Variants in BTBD9 observed in about 807,000 individuals in gnomAD.
BTBD9 encodes BTB domain containing 9, also known as BTB/POZ domain-containing protein 9.
Under a neutral mutation model 64.3 loss-of-function variants are expected in BTBD9, and 49 were observed. That is an observed-to-expected ratio of 0.76 (90% confidence interval 0.61 to 0.97). The LOEUF (loss-of-function observed/expected upper bound fraction) is 0.97, where lower values mean the gene tolerates loss of function less well. Among genes scored for constraint, BTBD9 ranks in the 50% least tolerant of loss-of-function variants. The probability of loss-of-function intolerance (pLI) is 0.00; values close to 1 mark genes in which losing one functional copy is unlikely to be tolerated. For missense variants in BTBD9, 598 were observed against 762.1 expected, an observed-to-expected ratio of 0.78 and a Z score of 2.53; for synonymous variants, 260 against 274.7, an observed-to-expected ratio of 0.95 and a Z score of 0.53.
chr6:38,245,542 G>T (rs1332111534), intron 9 of BTBD9, among the ~76,000 whole-genome samples: 3 of 152,152 alleles, frequency 2.0e-5, no homozygotes, highest in Non-Finnish European at 2.9e-5. Context: ...AGAGGCAGGG[G>T]GCCAGATTGT....
chr6:38,257,971 TA>T lies in BTBD9; in HGVS notation c.1455-1456del, dbSNP rs983213530. 4.5e-3 allele frequency among the ~76,000 whole-genome samples: 659 copies of T among 147,894 alleles called. 8 individuals are homozygous for T. The highest frequency in any genetic ancestry group is 0.014 in the Middle Eastern group (4 of 282). On this transcript the variant is annotated intron_variant, in intron 8 of 10. Transcript: ENST00000481247. ...CACTCTGTGTGTGTTATTCCTCCAT[TA>T]AAAAAAAAATATATATGTATATATA... is the stretch of plus-strand genomic sequence containing the variant.
chr6:38,248,138 G>A (rs1035213748), intron 9 of BTBD9, among the ~76,000 whole-genome samples: 1 of 151,720 alleles, frequency 6.6e-6, no homozygotes, highest in Admixed American at 6.6e-5. Flanking sequence ...TTTTGTACAC[G>A]CTTTTTAAAA....
chr6:38,216,320 T>C (rs1763006715), intron 9 of BTBD9, among the ~76,000 whole-genome samples: 1 of 152,168 alleles, frequency 6.6e-6, no homozygotes, highest in Admixed American at 6.5e-5. Context: ...CTCCCAACTT[T>C]GGGTCAAAAT....
intron 6 of BTBD9, among the ~76,000 whole-genome samples, chr6:38,413,042 A>T (rs1767510456): frequency 6.6e-6 from 1 of 152,192 alleles, no homozygotes; most frequent in African/African-American, 2.4e-5. Context: ...AACCCTTAGG[A>T]AATCATTTCT....
intron 7 of BTBD9, among the ~76,000 whole-genome samples, chr6:38,335,254 A>ATTT (rs200450470): frequency 7.1e-6 from 1 of 140,898 alleles, no homozygotes. Context: ...TTAATTTTAA[A>ATTT]TTTTTTTTTT....
In BTBD9 at chr6:38,213,886, A is replaced by C. The variant is rs1022413092; in HGVS notation, c.1563-21289T>G. On this transcript the variant is annotated intron_variant, in intron 9 of 10. Coordinates refer to ENST00000481247, the MANE Select transcript of BTBD9 (RefSeq NM_001099272.2). ...TAGTCCCAGCTACAGGCTGGGACTGAGCTGGAGGCTGAGGCAGGAAAATGG... is the reference window on the plus strand; with the variant it reads ...TAGTCCCAGCTACAGGCTGGGACTGCGCTGGAGGCTGAGGCAGGAAAATGG... 1.9e-3 allele frequency among the ~76,000 whole-genome samples: 291 copies of C among 151,954 alleles called. 3 individuals carry two copies. Among genetic ancestry groups the C allele is most frequent in the African/African-American group, 6.7e-3 (278 of 41,474 alleles).
chr6:38,491,863 G>GGAT (rs957899673), intron 6 of BTBD9, among the ~76,000 whole-genome samples: 1 of 152,104 alleles, frequency 6.6e-6, no homozygotes, highest in African/African-American at 2.4e-5. Context: ...CTGTGATGAA[G>GGAT]GATGGCTCAT....
At chr6:38,247,426 A>G (rs967806466) in intron 9 of BTBD9, among the ~76,000 whole-genome samples, 1 of 152,244 alleles carries the variant, frequency 6.6e-6, no homozygotes, top group African/African-American at 2.4e-5. Flanking sequence ...GGATATGAAT[A>G]CAATCATGCT....
At chr6:38,597,887 CA>C (rs762320797) in intron 2 of BTBD9, 22 bp downstream of exon 2, 5 of 1,601,728 alleles carry the variant, frequency 3.1e-6, no homozygotes, top group South Asian at 1.1e-5. Flanking sequence ...ACTAAATTTT[CA>C]AAAAAAGTAT....
At chr6:38,446,068 C>T (rs1290601391) in intron 6 of BTBD9, among the ~76,000 whole-genome samples, 2 of 152,058 alleles carry the variant, frequency 1.3e-5, no homozygotes, top group Non-Finnish European at 1.5e-5. Flanking sequence ...TCACTGAACC[C>T]AAGGGTAAAA....
intron 8 of BTBD9, among the ~76,000 whole-genome samples, chr6:38,284,591 C>A (rs1191141369): frequency 6.6e-6 from 1 of 152,150 alleles, no homozygotes; most frequent in Admixed American, 6.5e-5. Flanking sequence ...GATAGACTAC[C>A]TCATCAGTAC....
intron 6 of BTBD9, among the ~76,000 whole-genome samples, chr6:38,557,080 C>CCTCA (rs1775061558): frequency 7.3e-6 from 1 of 136,368 alleles, no homozygotes; most frequent in Non-Finnish European, 1.5e-5. Flanking sequence ...TGGCTCACAT[C>CCTCA]CTCACATCTG....
At chr6:38,555,592 A>G (rs1315401933) in intron 6 of BTBD9, among the ~76,000 whole-genome samples, 3 of 152,230 alleles carry the variant, frequency 2.0e-5, no homozygotes, top group Admixed American at 2.0e-4. Flanking sequence ...TAGTTTTTCT[A>G]GCATTTCCTA....
intron 6 of BTBD9, among the ~76,000 whole-genome samples, chr6:38,422,712 G>A (rs1209777273): frequency 6.6e-6 from 1 of 152,150 alleles, no homozygotes; most frequent in Non-Finnish European, 1.5e-5. Flanking sequence ...CTTTCTCAGA[G>A]GTCACGATTT....
chr6:38,443,098 A>G (rs1035716632), intron 6 of BTBD9, among the ~76,000 whole-genome samples: 10 of 152,204 alleles, frequency 6.6e-5, no homozygotes, highest in Admixed American at 2.0e-4. Context: ...AGGCAAATGG[A>G]TTGTGGTGGT....
intron 6 of BTBD9, among the ~76,000 whole-genome samples, chr6:38,357,726 G>A (rs931671746): frequency 7.0e-4 from 107 of 152,182 alleles, no homozygotes; most frequent in Non-Finnish European, 2.1e-4. Flanking sequence ...TACAGGAGAC[G>A]ATAACCATTT....
intron 1 of BTBD9, among the ~76,000 whole-genome samples, chr6:38,606,316 C>T (rs952104924): frequency 2.0e-5 from 3 of 152,100 alleles, no homozygotes; most frequent in African/African-American, 7.2e-5. Flanking sequence ...TCCTATCAAT[C>T]CTGTCCCTCT....
intron 6 of BTBD9, among the ~76,000 whole-genome samples, chr6:38,366,886 T>C (rs1354605421): frequency 6.6e-6 from 1 of 152,266 alleles, no homozygotes; most frequent in African/African-American, 2.4e-5. Flanking sequence ...GCAATTTCGC[T>C]GCATCGGTCT....
intron 6 of BTBD9, among the ~76,000 whole-genome samples, chr6:38,417,260 TA>T (rs1562154990): frequency 6.6e-6 from 1 of 152,200 alleles, no homozygotes; most frequent in African/African-American, 2.4e-5. Context: ...CTTCTATTTG[TA>T]AAGGCAGCTC....
Sources: allele counts gnomAD v4.1 joint callset (sites outside exome capture counted in the v4.1 genomes callset), GRCh38; gene constraint gnomAD v4.1.1; transcripts MANE v1.5; gene names NCBI Gene and HGNC (gene_info 2026-07-23, HGNC 2026-07-21).